STIM2: variants seen among roughly 807,000 people sequenced by gnomAD.
STIM2 encodes the protein stromal interaction molecule 2.
In STIM2, 31 loss-of-function variants were observed where a neutral mutation model predicts 85.8. That is an observed-to-expected ratio of 0.36 (90% CI 0.27 to 0.49). The LOEUF (loss-of-function observed/expected upper bound fraction) is 0.49, where lower values mean the gene tolerates loss of function less well. STIM2 is among the 20% of genes least tolerant of loss of function. STIM2 has a pLI of 0.98. For synonymous variants in STIM2, 356 were observed against 331.1 expected, an observed-to-expected ratio of 1.08 and a Z score of -0.82; for missense variants, 841 against 927.6, an observed-to-expected ratio of 0.91 and a Z score of 1.21.
intron 1 of STIM2, among the ~76,000 whole-genome samples, chr4:26,902,468 C>G (rs745909933): frequency 6.6e-6 from 1 of 152,090 alleles, no homozygotes; most frequent in Non-Finnish European, 1.5e-5. Flanking sequence ...TCTTTCTTGA[C>G]AAAGCCGTGT....
At chr4:26,950,431 C>T (rs57668778) in intron 2 of STIM2, among the ~76,000 whole-genome samples, 4,365 of 152,100 alleles carry the variant, frequency 0.029, 130 homozygotes, top group African/African-American at 0.079. Flanking sequence ...AATGTGTTCC[C>T]CAAAATTTAT....
At chr4:26,895,157 A>G (rs1723652573) in intron 1 of STIM2, among the ~76,000 whole-genome samples, 1 of 152,264 alleles carries the variant, frequency 6.6e-6, no homozygotes, top group Non-Finnish European at 1.5e-5. Flanking sequence ...GGTTGCAGTG[A>G]GCTGAGATTG....
chr4:26,968,043 C>T (rs917743327), intron 3 of STIM2, among the ~76,000 whole-genome samples: 21 of 152,138 alleles, frequency 1.4e-4, no homozygotes, highest in Admixed American at 1.0e-3. Context: ...TGGTAGTATG[C>T]ACCTGTGGTC....
chr4:26,972,611 G>A (rs1384163656), intron 3 of STIM2, among the ~76,000 whole-genome samples: 2 of 152,146 alleles, frequency 1.3e-5, no homozygotes, highest in Non-Finnish European at 2.9e-5. Context: ...TGGTGGATAA[G>A]CTTTTTGATG....
intron 2 of STIM2, among the ~76,000 whole-genome samples, chr4:26,952,884 A>G (rs1726109145): frequency 6.6e-6 from 1 of 152,250 alleles, no homozygotes; most frequent in Admixed American, 6.6e-5. Flanking sequence ...ATGAAATAGA[A>G]TACATTACTG....
chr4:26,864,449 C>G (rs561299713), intron 1 of STIM2, among the ~76,000 whole-genome samples: 115 of 151,828 alleles, frequency 7.6e-4, no homozygotes, highest in Non-Finnish European at 1.1e-3. Flanking sequence ...CCGATCTCAT[C>G]CAGATAGGGT....
chr4:27,014,543 A>G (rs551141447), intron 10 of STIM2, among the ~76,000 whole-genome samples: 23 of 151,646 alleles, frequency 1.5e-4, no homozygotes, highest in African/African-American at 5.5e-4. Flanking sequence ...GTGCGTGATT[A>G]GAGAATAGGT....
chr4:26,883,396 C>A (rs938418190), intron 1 of STIM2, among the ~76,000 whole-genome samples: 11 of 152,016 alleles, frequency 7.2e-5, no homozygotes, highest in African/African-American at 2.7e-4. Flanking sequence ...AAATTGGAAA[C>A]ATATGTATGC....
chr4:26,865,707 A>G (rs1377698479), intron 1 of STIM2, among the ~76,000 whole-genome samples: 1 of 152,078 alleles, frequency 6.6e-6, no homozygotes, highest in Non-Finnish European at 1.5e-5. Flanking sequence ...CATTTACTGG[A>G]GTTTGGACTT....
chr4:26,939,482 A>G (rs1354489084), intron 2 of STIM2, among the ~76,000 whole-genome samples: 1 of 152,214 alleles, frequency 6.6e-6, no homozygotes, highest in African/African-American at 2.4e-5. Flanking sequence ...GAATCGGATA[A>G]AGATAACTTT....
intron 1 of STIM2, among the ~76,000 whole-genome samples, chr4:26,868,439 A>G (rs1722485538): frequency 6.6e-6 from 1 of 152,190 alleles, no homozygotes. Flanking sequence ...TTGTTTAATT[A>G]AGTGCTGGGA....
chr4:26,876,089 T>G (rs1454915055), intron 1 of STIM2, among the ~76,000 whole-genome samples: 2 of 152,226 alleles, frequency 1.3e-5, no homozygotes, highest in Non-Finnish European at 2.9e-5. Context: ...TACTTGGAAT[T>G]GTTGATTCAC....
At chr4:26,971,459 T>C (rs1215552416) in intron 3 of STIM2, among the ~76,000 whole-genome samples, 2 of 152,238 alleles carry the variant, frequency 1.3e-5, no homozygotes, top group African/African-American at 4.8e-5. Context: ...GCTTTCTACA[T>C]ATAGCTAGCC....
intron 11 of STIM2, among the ~76,000 whole-genome samples, chr4:27,018,991 C>T (rs1296988041): frequency 2.6e-5 from 4 of 152,280 alleles, no homozygotes; most frequent in South Asian, 2.1e-4. Flanking sequence ...ATAGCAGCAG[C>T]GTATTTCAGT....
At chr4:26,994,952 A>G (rs983628251) in intron 3 of STIM2, among the ~76,000 whole-genome samples, 4 of 152,112 alleles carry the variant, frequency 2.6e-5, no homozygotes, top group Admixed American at 2.6e-4. Flanking sequence ...TTTAAGTTCC[A>G]TACAAGGACT....
In STIM2 at chr4:26,919,574, A is replaced by G. The variant is rs530840966; in HGVS notation, c.222A>G (p.Thr74=). Residue 74 remains threonine (T), a synonymous_variant, in exon 2 of 12, where the codon ACA becomes ACG. Coordinates refer to ENST00000467087, the MANE Select transcript of STIM2 (RefSeq NM_020860.4). ...GATTTAGTCTGGAAGCTCTTCAAAC[A>G]ATACATAAACAAATGGATGATGACA... is the stretch of plus-strand genomic sequence containing the variant. 1.2e-6 allele frequency: 2 copies of G among 1,613,740 alleles called. No individual in the cohort carries two copies. The highest frequency in any genetic ancestry group is 1.3e-5 in the African/African-American group (1 of 75,042).
chr4:26,861,245 C>A lies in STIM2; in HGVS notation c.27C>A (p.Ala9=), dbSNP rs757545465. ...TGCTGGTGCTCGGGCTGCTGGTAGC[C>A]GGAGCGGCGGACGGATGCGAGCTTG... is the stretch of plus-strand genomic sequence containing the variant. Residue 9 remains alanine, a synonymous_variant, in exon 1 of 12, where the codon GCC becomes GCA. Coordinates refer to ENST00000467087, the MANE Select transcript of STIM2 (RefSeq NM_020860.4). The A allele has an allele frequency of 4.7e-6, 7 of 1,486,920 alleles. No individual in the cohort carries two copies. Among genetic ancestry groups the A allele is most frequent in the Non-Finnish European group, 6.2e-6 (7 of 1,125,404 alleles). 92.1% of individuals were successfully genotyped at this position (1,486,920 alleles called of 1,614,324 possible).
At chr4:26,914,023 A>G (rs559593157) in intron 1 of STIM2, among the ~76,000 whole-genome samples, 3 of 152,346 alleles carry the variant, frequency 2.0e-5, no homozygotes, top group African/African-American at 7.2e-5. Flanking sequence ...TTAAGTTGGA[A>G]TGAAAGGAGT....
chr4:27,016,674 A>T (rs1282918603), intron 10 of STIM2, among the ~76,000 whole-genome samples: 1 of 152,184 alleles, frequency 6.6e-6, no homozygotes, highest in Non-Finnish European at 1.5e-5. Context: ...TTACCCTTTC[A>T]CTGAGGAATG....
Sources: gnomAD v4.1 joint callset for allele counts (sites outside exome capture counted in the v4.1 genomes callset) on GRCh38, gnomAD v4.1.1 for gene constraint, MANE v1.5 for transcripts, NCBI Gene and HGNC (gene_info 2026-07-23, HGNC 2026-07-21) for gene names.